Variants in CHLSN observed in about 807,000 individuals in gnomAD.
CHLSN encodes the protein protein cholesin.
At chr7:1,042,046 A>G in the CHLSN span, among the ~76,000 whole-genome samples, 2 of 152,050 alleles carry the variant, frequency 1.3e-5, no homozygotes, top group Non-Finnish European at 2.9e-5. Context: ...CTGCAGAATC[A>G]GGTGCACAAC....
At chr7:1,017,475 C>T in the CHLSN span, among the ~76,000 whole-genome samples, 1 of 152,306 alleles carries the variant, frequency 6.6e-6, no homozygotes, top group South Asian at 2.1e-4. Flanking sequence ...CCTACGATGT[C>T]AGCCGGGTGA....
chr7:1,081,324 C>T, the CHLSN span, among the ~76,000 whole-genome samples: 2 of 152,250 alleles, frequency 1.3e-5, no homozygotes, highest in Non-Finnish European at 2.9e-5. Context: ...AGGACCCCCT[C>T]TCCTAAGACC....
At chr7:992,598 T>C in the CHLSN span, among the ~76,000 whole-genome samples, 1 of 152,230 alleles carries the variant, frequency 6.6e-6, no homozygotes, top group African/African-American at 2.4e-5. Context: ...GGTTCAGATG[T>C]CCTGAAGCTC....
At chr7:1,070,994 A>G in the CHLSN span, among the ~76,000 whole-genome samples, 2 of 151,260 alleles carry the variant, frequency 1.3e-5, no homozygotes, top group African/African-American at 4.9e-5. Flanking sequence ...GGGCACACAC[A>G]CACGTGCACA....
chr7:1,058,034 C>A, the CHLSN span: 3 of 769,310 alleles, frequency 3.9e-6, no homozygotes, highest in South Asian at 4.0e-5. Context: ...ATGTGTCCAC[C>A]CGCGCGCTAG....
chr7:1,114,914 G>A, the CHLSN span, among the ~76,000 whole-genome samples: 1 of 152,238 alleles, frequency 6.6e-6, no homozygotes, highest in Admixed American at 6.5e-5. Context: ...TTGGACGTGG[G>A]TGGGAGCCAT....
At chr7:1,115,222 CTGTT>C in the CHLSN span, among the ~76,000 whole-genome samples, 1 of 152,180 alleles carries the variant, frequency 6.6e-6, no homozygotes, top group African/African-American at 2.4e-5. Flanking sequence ...AGGGAAGAAA[CTGTT>C]TGATTTTCAT....
the CHLSN span, among the ~76,000 whole-genome samples, chr7:1,105,813 A>T: frequency 6.6e-6 from 1 of 152,156 alleles, no homozygotes; most frequent in African/African-American, 2.4e-5. Flanking sequence ...TGTTTTCTGT[A>T]TTTTTCATAA....
the CHLSN span, among the ~76,000 whole-genome samples, chr7:1,016,474 AGCACAGCAGCACACAGCAGC>A: frequency 5.7e-5 from 7 of 122,786 alleles, no homozygotes; most frequent in East Asian, 7.7e-4. Context: ...AGCACATAGC[AGCACAGCAGCACACAGCAGC>A]GCACAGCAGC....
At chr7:1,054,197 G>A in the CHLSN span, among the ~76,000 whole-genome samples, 1 of 152,236 alleles carries the variant, frequency 6.6e-6, no homozygotes, top group Non-Finnish European at 1.5e-5. Flanking sequence ...GAGGGCTCCA[G>A]GGAGAATGTT....
chr7:1,023,261 G>A, the CHLSN span, among the ~76,000 whole-genome samples: 15 of 152,334 alleles, frequency 9.8e-5, no homozygotes, highest in African/African-American at 3.4e-4. This position sits in a 1 kb window ranked among gnomAD's most constrained non-coding sequence, Gnocchi z 5.0. Flanking sequence ...CGCAAGTGAT[G>A]TGTGAGGTGT....
the CHLSN span, among the ~76,000 whole-genome samples, chr7:1,078,693 C>G: frequency 7.2e-5 from 11 of 152,222 alleles, no homozygotes; most frequent in Non-Finnish European, 1.5e-4. Flanking sequence ...CCAGTGAAAA[C>G]CTGGGCTTCG....
chr7:1,119,110 G>A, the CHLSN span, among the ~76,000 whole-genome samples: 2 of 152,022 alleles, frequency 1.3e-5, no homozygotes, highest in Non-Finnish European at 2.9e-5. Context: ...AAATTAGCCA[G>A]GCGTGGTGGC....
chr7:1,088,402 G>A, the CHLSN span: 1 of 152,362 alleles, frequency 6.6e-6, no homozygotes, highest in African/African-American at 2.4e-5. This position sits in a 1 kb window ranked among gnomAD's most constrained non-coding sequence, Gnocchi z 4.5. Flanking sequence ...CCGCTGTCCT[G>A]TTATGGGAAC....
the CHLSN span, chr7:1,057,573 C>T: frequency 1.3e-6 from 1 of 772,730 alleles, no homozygotes; most frequent in Non-Finnish European, 2.4e-6. Context: ...GCCTGCCTGC[C>T]AGGACCTGCA....
chr7:1,073,456 A>C, the CHLSN span, among the ~76,000 whole-genome samples: 1 of 152,034 alleles, frequency 6.6e-6, no homozygotes, highest in Non-Finnish European at 1.5e-5. Context: ...ATCCCGCTGG[A>C]ATCTGCCACA....
the CHLSN span, among the ~76,000 whole-genome samples, chr7:1,054,111 C>T: frequency 2.8e-4 from 42 of 152,352 alleles, no homozygotes; most frequent in African/African-American, 8.2e-4. Context: ...GCTTTAGGAA[C>T]GTCCCCCAGA....
chr7:1,127,194 C>T, the CHLSN span: 2 of 1,512,228 alleles, frequency 1.3e-6, no homozygotes, highest in Non-Finnish European at 1.8e-6. Flanking sequence ...ACCCCCTCTC[C>T]CTCCAGATCA....
chr7:1,136,061 T>C, the CHLSN span, among the ~76,000 whole-genome samples: 1 of 117,190 alleles, frequency 8.5e-6, no homozygotes, highest in Non-Finnish European at 1.6e-5. Flanking sequence ...TATATAAATA[T>C]ATATAAATAT....
Sources: allele counts gnomAD v4.1 joint callset (sites outside exome capture counted in the v4.1 genomes callset), GRCh38; gene constraint gnomAD v4.1.1; non-coding constraint Gnocchi (gnomAD v3.1); transcripts MANE v1.5; gene names NCBI Gene and HGNC (gene_info 2026-07-23, HGNC 2026-07-21).